The following TANGO6 variants were observed in gnomAD, a reference collection of about 807,000 sequenced individuals.
The protein encoded by TANGO6 is transport and Golgi organization protein 6 homolog.
A neutral mutation model predicts 114.2 loss-of-function variants in TANGO6; 90 were observed. That is an observed-to-expected ratio of 0.79 (90% CI 0.66 to 0.94). The LOEUF (loss-of-function observed/expected upper bound fraction) is 0.94. Among genes scored for constraint, TANGO6 ranks in the 40% least tolerant of loss-of-function variants. The pLI is 0.00. For synonymous variants in TANGO6, 477 were observed against 509.8 expected, an observed-to-expected ratio of 0.94 and a Z score of 0.87; for missense variants, 1,274 against 1,315.3, an observed-to-expected ratio of 0.97 and a Z score of 0.49.
intron 17 of TANGO6, among the ~76,000 whole-genome samples, chr16:69,056,753 C>A (rs534035333): frequency 5.2e-4 from 79 of 152,192 alleles, no homozygotes; most frequent in African/African-American, 1.8e-3. Context: ...AAGTTAATGC[C>A]AGGAAGAATT....
At chr16:68,882,549 A>G in intron 7 of TANGO6, among the ~76,000 whole-genome samples, 1 of 152,056 alleles carries the variant, frequency 6.6e-6, no homozygotes, top group East Asian at 1.9e-4. Context: ...TGAATTTAGT[A>G]GGTAGGACAG....
At chr16:69,056,504 A>G (rs913837598) in intron 17 of TANGO6, among the ~76,000 whole-genome samples, 1 of 152,106 alleles carries the variant, frequency 6.6e-6, no homozygotes, top group Non-Finnish European at 1.5e-5. Context: ...AAAATGCTGT[A>G]TACAACTAGA....
chr16:68,999,692 A>G (rs930092994), intron 15 of TANGO6, among the ~76,000 whole-genome samples: 2 of 152,250 alleles, frequency 1.3e-5, no homozygotes, highest in Non-Finnish European at 2.9e-5. Context: ...ACTTTACTCA[A>G]TTGTTGAAAG....
intron 6 of TANGO6, among the ~76,000 whole-genome samples, chr16:68,879,559 T>C (rs1164150457): frequency 6.6e-6 from 1 of 151,978 alleles, no homozygotes; most frequent in Non-Finnish European, 1.5e-5. Flanking sequence ...ATAGAGATTA[T>C]ATAATGAACT....
chr16:69,079,603 T>C (rs1960437353), intron 17 of TANGO6, among the ~76,000 whole-genome samples: 1 of 152,064 alleles, frequency 6.6e-6, no homozygotes, highest in Non-Finnish European at 1.5e-5. Flanking sequence ...TTACGAATCA[T>C]TAAGGAGAAG....
intron 14 of TANGO6, among the ~76,000 whole-genome samples, chr16:68,947,929 T>C (rs1467173991): frequency 3.3e-5 from 5 of 152,068 alleles, no homozygotes; most frequent in African/African-American, 1.2e-4. Context: ...TTGACTTGCC[T>C]ACAGTCACAG....
chr16:69,049,279 C>T (rs1567565912), intron 17 of TANGO6, among the ~76,000 whole-genome samples: 1 of 151,912 alleles, frequency 6.6e-6, no homozygotes, highest in Non-Finnish European at 1.5e-5. Flanking sequence ...CTAGCAATCA[C>T]TAATCTACTT....
At chr16:68,992,592 T>C (rs1314877181) in intron 15 of TANGO6, among the ~76,000 whole-genome samples, 6 of 152,188 alleles carry the variant, frequency 3.9e-5, no homozygotes, top group African/African-American at 1.4e-4. Context: ...AGCCCTTCAG[T>C]TGAGTAAAAT....
chr16:68,919,796 C>A (rs1169883017), intron 12 of TANGO6, among the ~76,000 whole-genome samples: 1 of 152,110 alleles, frequency 6.6e-6, no homozygotes, highest in Non-Finnish European at 1.5e-5. Context: ...AATCCCAGCA[C>A]TTTGGGAGGC....
At chr16:68,903,586 C>G (rs1231327786) in intron 9 of TANGO6, among the ~76,000 whole-genome samples, 1 of 143,060 alleles carries the variant, frequency 7.0e-6, no homozygotes, top group African/African-American at 2.6e-5. Context: ...CCACTGCACT[C>G]CAGCCTGGGC....
At chr16:69,032,466 C>T (rs1406864530) in intron 16 of TANGO6, among the ~76,000 whole-genome samples, 1 of 151,918 alleles carries the variant, frequency 6.6e-6, no homozygotes, top group Non-Finnish European at 1.5e-5. Flanking sequence ...CAGGATTTCA[C>T]CATGTTGCTC....
intron 15 of TANGO6, among the ~76,000 whole-genome samples, chr16:69,012,206 TA>T (rs1567558367): frequency 1.3e-5 from 2 of 151,970 alleles, no homozygotes; most frequent in African/African-American, 4.8e-5. Flanking sequence ...TCTACTGGAG[TA>T]AGTTTCTAAA....
intron 14 of TANGO6, among the ~76,000 whole-genome samples, chr16:68,944,770 A>C (rs992348018): frequency 2.0e-5 from 3 of 152,218 alleles, no homozygotes; most frequent in Non-Finnish European, 2.9e-5. Flanking sequence ...ATCAAATAAA[A>C]TATAAGGACA....
chr16:68,961,997 T>C (rs1963597342), intron 14 of TANGO6, among the ~76,000 whole-genome samples: 3 of 152,232 alleles, frequency 2.0e-5, no homozygotes, highest in African/African-American at 4.8e-5. Flanking sequence ...TCACTCATCC[T>C]GAATCTTTAT....
chr16:69,084,418 G>A lies in TANGO6; in HGVS notation c.*757G>A, dbSNP rs752752072. ...CTGATTATCAGGAGAAAAGAACCAC[G>A]AGCATCCAGAGAGTTTACATCCTGC... On this transcript the variant is annotated 3_prime_UTR_variant, in exon 18 of 18. Transcript: ENST00000261778. The A allele has an allele frequency of 2.6e-5, 4 of 152,258 alleles. No homozygotes were observed. Among genetic ancestry groups the A allele is most frequent in the Non-Finnish European group, 4.4e-5 (3 of 68,042 alleles). 9.4% of individuals were successfully genotyped at this position (152,258 alleles called of 1,614,324 possible). A position where few individuals can be genotyped will look rare whatever the true frequency, so the allele number is the denominator to read the frequency against.
chr16:68,876,904 T>C (rs1430389154), intron 5 of TANGO6, among the ~76,000 whole-genome samples: 1 of 152,218 alleles, frequency 6.6e-6, no homozygotes, highest in East Asian at 1.9e-4. Context: ...ATCATATTAA[T>C]GTACTGTAAT....
intron 14 of TANGO6, among the ~76,000 whole-genome samples, chr16:68,969,411 A>T (rs1419240475): frequency 6.6e-6 from 1 of 151,690 alleles, no homozygotes; most frequent in Admixed American, 6.6e-5. Flanking sequence ...ATCATGTATG[A>T]CTCTCTTCAC....
At chr16:68,958,101 G>A (rs1445683944) in intron 14 of TANGO6, among the ~76,000 whole-genome samples, 1 of 151,532 alleles carries the variant, frequency 6.6e-6, no homozygotes, top group Non-Finnish European at 1.5e-5. Flanking sequence ...GAACCGGGAG[G>A]CAAAGGTTGT....
chr16:68,870,008 G>A (rs76833359), intron 4 of TANGO6, among the ~76,000 whole-genome samples: 14,837 of 152,238 alleles, frequency 0.097, 820 homozygotes, highest in Non-Finnish European at 0.13. Flanking sequence ...TTCTGAGGGA[G>A]ATGCGAAACG....
Sources: allele counts gnomAD v4.1 joint callset (sites outside exome capture counted in the v4.1 genomes callset), GRCh38; gene constraint gnomAD v4.1.1; transcripts MANE v1.5; gene names NCBI Gene and HGNC (gene_info 2026-07-23, HGNC 2026-07-21).